SAMD4A: variants seen among roughly 807,000 people sequenced by gnomAD.
SAMD4A encodes sterile alpha motif domain containing 4A.
Under a neutral mutation model 81.3 loss-of-function variants are expected in SAMD4A, and 33 were observed. That is an observed-to-expected ratio of 0.41 (90% CI 0.31 to 0.54). The LOEUF (loss-of-function observed/expected upper bound fraction) is 0.54, where lower values mean the gene tolerates loss of function less well. Ranked by LOEUF, SAMD4A falls within the 20% of genes least tolerant of loss-of-function variation. The pLI, the probability that SAMD4A is intolerant of heterozygous loss-of-function variation, is 0.37. For synonymous variants in SAMD4A, 389 were observed against 382.1 expected (o/e 1.02, Z -0.21); for missense variants, 854 against 951.1 (o/e 0.90, Z 1.34).
At chr14:54,652,140 A>G (rs186126225) in intron 2 of SAMD4A, among the ~76,000 whole-genome samples, 1 of 152,358 alleles carries the variant, frequency 6.6e-6, no homozygotes, top group Non-Finnish European at 1.5e-5. Context: ...TCCACCTCAC[A>G]TAACCATCTA....
intron 6 of SAMD4A, among the ~76,000 whole-genome samples, chr14:54,754,297 GT>G (rs2038183588): frequency 6.6e-6 from 1 of 152,240 alleles, no homozygotes; most frequent in African/African-American, 2.4e-5. Context: ...GAATGGGAAA[GT>G]TAAAAAGATG....
chr14:54,710,033 T>A (rs559707812), intron 3 of SAMD4A, among the ~76,000 whole-genome samples: 1 of 152,342 alleles, frequency 6.6e-6, no homozygotes, highest in Non-Finnish European at 1.5e-5. Flanking sequence ...TTGTTTTTAT[T>A]CAAATAATTG....
Position 54,792,372 on chromosome 14 carries a change from C to G in SAMD4A, c.*3428C>G, listed in dbSNP as rs534597857. On this transcript the variant is annotated 3_prime_UTR_variant, in exon 13 of 13. Coordinates refer to ENST00000554335, the MANE Select transcript of SAMD4A (RefSeq NM_015589.6). ...GAAACAAGGGTTTCTTTTGAGGTGT[C>G]CTTGGCTGCCTTTTACGGGATGGGA... The G allele has an allele frequency of 6.6e-6, 1 of 152,290 alleles. No homozygotes were observed. Among genetic ancestry groups the G allele is most frequent in the East Asian group, 1.9e-4 (1 of 5,182 alleles). 9.4% of individuals were successfully genotyped at this position (152,290 alleles called of 1,614,324 possible).
intron 2 of SAMD4A, among the ~76,000 whole-genome samples, chr14:54,629,286 G>A (rs902280692): frequency 1.3e-5 from 2 of 152,134 alleles, no homozygotes; most frequent in African/African-American, 4.8e-5. Context: ...GGAGAGCATG[G>A]CCCTGCTGAC....
chr14:54,652,897 A>C (rs952282306), intron 2 of SAMD4A: 2 of 152,062 alleles, frequency 1.3e-5, no homozygotes, highest in African/African-American at 4.8e-5. Context: ...TTCTATTCGA[A>C]ATGAGAATCC....
At chr14:54,708,247 G>A (rs2036906220) in intron 3 of SAMD4A, among the ~76,000 whole-genome samples, 1 of 152,234 alleles carries the variant, frequency 6.6e-6, no homozygotes, top group Non-Finnish European at 1.5e-5. Context: ...GTTTGAAGGA[G>A]AGGATTGAAG....
intron 7 of SAMD4A, 65 bp from the exon 8 acceptor site, chr14:54,764,390 G>GAGT: frequency 9.3e-7 from 1 of 1,070,524 alleles, no homozygotes; most frequent in Admixed American, 2.0e-5. Flanking sequence ...AGGGAAATGA[G>GAGT]AGTCAGGTCC....
At chr14:54,781,365 C>A (rs1353595234) in intron 11 of SAMD4A, among the ~76,000 whole-genome samples, 1 of 152,244 alleles carries the variant, frequency 6.6e-6, no homozygotes, top group Non-Finnish European at 1.5e-5. Context: ...AGCAGCACCT[C>A]ATTAGGGATG....
chr14:54,741,225 T>C (rs2037835546), intron 4 of SAMD4A, among the ~76,000 whole-genome samples: 1 of 152,208 alleles, frequency 6.6e-6, no homozygotes, highest in Non-Finnish European at 1.5e-5. Context: ...GCCTCTTGTC[T>C]CATACAAGAC....
At chr14:54,605,417 A>G (rs1339527966) in intron 2 of SAMD4A, among the ~76,000 whole-genome samples, 1 of 152,232 alleles carries the variant, frequency 6.6e-6, no homozygotes, top group African/African-American at 2.4e-5. Context: ...ATTTGTTGCC[A>G]TCTGAAGTTC....
intron 8 of SAMD4A, among the ~76,000 whole-genome samples, chr14:54,765,854 A>G (rs1594916478): frequency 1.3e-5 from 2 of 152,130 alleles, no homozygotes; most frequent in African/African-American, 4.8e-5. Context: ...ATACAAGGGT[A>G]CAGTCCCCCT....
intron 2 of SAMD4A, among the ~76,000 whole-genome samples, chr14:54,669,714 TTC>T (rs961638026): frequency 6.6e-6 from 1 of 152,192 alleles, no homozygotes; most frequent in Non-Finnish European, 1.5e-5. Flanking sequence ...AGCACCTCTT[TTC>T]TCTCACACAC....
chr14:54,587,121 T>C (rs1156540442), intron 2 of SAMD4A, among the ~76,000 whole-genome samples: 1 of 152,202 alleles, frequency 6.6e-6, no homozygotes, highest in African/African-American at 2.4e-5. Context: ...GTTTTGTAGT[T>C]TTCCTTATAG....
chr14:54,702,718 G>A, intron 3 of SAMD4A, 138 bp downstream of exon 3: 1 of 1,036,508 alleles, frequency 9.6e-7, no homozygotes, highest in Admixed American at 2.2e-5. Flanking sequence ...CTGTGGGAAA[G>A]GTCCTTTGGA....
chr14:54,683,626 C>T (rs945063392), intron 2 of SAMD4A, among the ~76,000 whole-genome samples: 5 of 152,102 alleles, frequency 3.3e-5, no homozygotes, highest in African/African-American at 1.2e-4. Context: ...TCCTGAGGAC[C>T]GCCTGTCTCA....
chr14:54,717,432 C>T (rs1446107444), intron 3 of SAMD4A, among the ~76,000 whole-genome samples: 1 of 148,090 alleles, frequency 6.8e-6, no homozygotes, highest in Non-Finnish European at 1.5e-5. Context: ...CAGAGCAAGA[C>T]CCTGTCTCAA....
intron 2 of SAMD4A, among the ~76,000 whole-genome samples, chr14:54,586,211 T>C (rs553215907): frequency 2.6e-5 from 4 of 152,214 alleles, no homozygotes; most frequent in Non-Finnish European, 5.9e-5. Flanking sequence ...TCCATATGCT[T>C]GTTGGCCATT....
chr14:54,729,806 T>C (rs4901533), intron 3 of SAMD4A, among the ~76,000 whole-genome samples: 52,318 of 152,074 alleles, frequency 0.34, 9,277 homozygotes, highest in African/African-American at 0.39. Flanking sequence ...TAGGATGGAA[T>C]GAGAGGATTG....
intron 2 of SAMD4A, among the ~76,000 whole-genome samples, chr14:54,658,016 A>G (rs1338184337): frequency 6.6e-6 from 1 of 152,202 alleles, no homozygotes; most frequent in African/African-American, 2.4e-5. Context: ...AGAAGTTTTA[A>G]AAGAGAATGT....
Sources: allele counts gnomAD v4.1 joint callset (sites outside exome capture counted in the v4.1 genomes callset), GRCh38; gene constraint gnomAD v4.1.1; transcripts MANE v1.5; gene names NCBI Gene and HGNC (gene_info 2026-07-23, HGNC 2026-07-21).